ZBTB20: variants seen among roughly 807,000 people sequenced by gnomAD.
ZBTB20 encodes the protein zinc finger and BTB domain-containing protein 20.
A neutral mutation model predicts 56.9 loss-of-function variants in ZBTB20; 9 were observed. That is an observed-to-expected ratio of 0.16 (90% CI 0.10 to 0.28). The LOEUF is 0.28. ZBTB20 is among the 10% of genes least tolerant of loss of function. ZBTB20 has a pLI of 1.00. For synonymous variants in ZBTB20, 417 were observed against 420.7 expected (o/e 0.99, Z 0.11); for missense variants, 655 against 1,003.0 (o/e 0.65, Z 4.69).
At chr3:114,673,676 A>G (rs1484381273) in intron 6 of ZBTB20, among the ~76,000 whole-genome samples, 2 of 152,190 alleles carry the variant, frequency 1.3e-5, no homozygotes, top group Non-Finnish European at 2.9e-5. Context: ...TGACAGCTGC[A>G]TTGTAATTCT....
intron 8 of ZBTB20, among the ~76,000 whole-genome samples, chr3:114,385,357 G>A (rs112672721): frequency 1.3e-5 from 2 of 152,088 alleles, no homozygotes; most frequent in East Asian, 3.9e-4. Context: ...CCTATTAGCT[G>A]TATGTCCTGG....
rs561450350 is a variant in ZBTB20, at chr3:114,633,770, G to A, written c.-295+59758C>T. On this transcript the variant is annotated intron_variant, in intron 6 of 11. Transcript: ENST00000675478. ...TTTGCAATGAAGAGGAAATACAAAT[G>A]CACAATATTATTAAAATGATAGTTT... 1.6e-4 allele frequency among the ~76,000 whole-genome samples: 25 copies of A among 152,168 alleles called. No homozygotes were observed. In the South Asian group the frequency reaches 5.0e-3, roughly 30 times the overall value.
At chr3:114,916,065 C>T (rs2075732236) in intron 3 of ZBTB20, among the ~76,000 whole-genome samples, 1 of 152,052 alleles carries the variant, frequency 6.6e-6, no homozygotes, top group Admixed American at 6.6e-5. Context: ...GTATTAGGTT[C>T]ATTCAGTCTA....
At chr3:114,993,413 T>C (rs1039252988) in intron 2 of ZBTB20, among the ~76,000 whole-genome samples, 3 of 151,938 alleles carry the variant, frequency 2.0e-5, no homozygotes, top group Non-Finnish European at 4.4e-5. Context: ...AGATTTAAAT[T>C]ACATCATTTT....
At chr3:114,435,305 G>T (rs1204357437) in intron 7 of ZBTB20, among the ~76,000 whole-genome samples, 4 of 151,940 alleles carry the variant, frequency 2.6e-5, no homozygotes, top group African/African-American at 9.7e-5. Context: ...TGAACACCTG[G>T]TACACGTTTG....
intron 7 of ZBTB20, among the ~76,000 whole-genome samples, chr3:114,450,967 T>G (rs955538232): frequency 1.3e-5 from 2 of 152,104 alleles, no homozygotes; most frequent in Non-Finnish European, 2.9e-5. Flanking sequence ...TCGTTCCTGG[T>G]TGAAAATTTC....
intron 5 of ZBTB20, among the ~76,000 whole-genome samples, chr3:114,720,349 A>G (rs1363404886): frequency 1.3e-5 from 2 of 151,812 alleles, no homozygotes; most frequent in East Asian, 1.9e-4. Context: ...TTTGCATAAA[A>G]TATCTTTTGC....
chr3:114,328,337 C>T lies in ZBTB20; in HGVS notation c.*10668G>A, dbSNP rs574370519. 1.3e-5 allele frequency: 2 copies of T among 152,054 alleles called. 1 individual carries two copies. Among genetic ancestry groups the T allele is most frequent in the African/African-American group, 4.8e-5 (2 of 41,464 alleles). The allele number at this position is 152,054 out of a possible 1,614,324, so 9.4% of individuals were successfully genotyped here. A position where few individuals can be genotyped will look rare whatever the true frequency, so the allele number is the denominator to read the frequency against. On this transcript the variant is annotated 3_prime_UTR_variant, in exon 12 of 12. Transcript: ENST00000675478. Reference sequence around the variant, plus strand: ...TGAGAAGAGCTCACTAAGGCTTGAACAGTTATCAAAATTATTTTGAAATGT... The same window carrying T: ...TGAGAAGAGCTCACTAAGGCTTGAATAGTTATCAAAATTATTTTGAAATGT...
intron 5 of ZBTB20, among the ~76,000 whole-genome samples, chr3:114,738,316 T>C (rs922297136): frequency 1.3e-5 from 2 of 152,142 alleles, no homozygotes; most frequent in African/African-American, 4.8e-5. Flanking sequence ...GTTAGGCTTT[T>C]TGTGCTGCTT....
At chr3:114,983,271 T>C (rs1576484946) in intron 2 of ZBTB20, among the ~76,000 whole-genome samples, 1 of 152,048 alleles carries the variant, frequency 6.6e-6, no homozygotes, top group African/African-American at 2.4e-5. Flanking sequence ...CCTCAACATG[T>C]CCTTCACGAT....
At chr3:114,850,524 T>C (rs2074947079) in intron 4 of ZBTB20, among the ~76,000 whole-genome samples, 1 of 152,232 alleles carries the variant, frequency 6.6e-6, no homozygotes, top group Admixed American at 6.5e-5. Context: ...TTTTAGTGAC[T>C]ACTATTTACA....
chr3:115,059,814 G>T (rs1348525935), intron 2 of ZBTB20, among the ~76,000 whole-genome samples: 6 of 152,114 alleles, frequency 3.9e-5, no homozygotes, highest in Non-Finnish European at 7.4e-5. Flanking sequence ...TGCAACAGAA[G>T]AAGATATTAT....
chr3:114,816,671 T>G (rs190161321), intron 4 of ZBTB20, among the ~76,000 whole-genome samples: 3 of 152,296 alleles, frequency 2.0e-5, no homozygotes, highest in African/African-American at 2.4e-5. Flanking sequence ...CAAAGCTTAC[T>G]GCTAAAATCC....
intron 5 of ZBTB20, among the ~76,000 whole-genome samples, chr3:114,766,630 A>C (rs1021664010): frequency 3.9e-5 from 6 of 151,956 alleles, no homozygotes; most frequent in Admixed American, 1.3e-4. Flanking sequence ...AGTTTAAAAA[A>C]ACACACACAA....
intron 5 of ZBTB20, among the ~76,000 whole-genome samples, chr3:114,704,210 C>G (rs1921487): frequency 6.6e-6 from 1 of 152,082 alleles, no homozygotes; most frequent in African/African-American, 2.4e-5. Flanking sequence ...ATTTCTAACT[C>G]TTTTATTACA....
intron 7 of ZBTB20, among the ~76,000 whole-genome samples, chr3:114,468,478 T>C (rs1396911856): frequency 6.6e-6 from 1 of 152,184 alleles, no homozygotes; most frequent in Non-Finnish European, 1.5e-5. Flanking sequence ...TCTTTTTCTA[T>C]ATGTATGAAT....
At chr3:114,630,488 T>C (rs1405490751) in intron 6 of ZBTB20, among the ~76,000 whole-genome samples, 1 of 152,188 alleles carries the variant, frequency 6.6e-6, no homozygotes, top group Non-Finnish European at 1.5e-5. Flanking sequence ...TGTGTGTGTA[T>C]GGTGGGTGCT....
chr3:114,852,194 CT>C (rs1210535213), intron 4 of ZBTB20, among the ~76,000 whole-genome samples: 1 of 151,704 alleles, frequency 6.6e-6, no homozygotes, highest in South Asian at 2.1e-4. Context: ...TTTATTTCTC[CT>C]TATTTGTCTT....
chr3:114,765,460 C>T (rs2068722545), intron 5 of ZBTB20, among the ~76,000 whole-genome samples: 1 of 151,978 alleles, frequency 6.6e-6, no homozygotes, highest in African/African-American at 2.4e-5. Flanking sequence ...CAAGGAATTC[C>T]AACGATTGCC....
Sources: allele counts gnomAD v4.1 joint callset (sites outside exome capture counted in the v4.1 genomes callset), GRCh38; gene constraint gnomAD v4.1.1; transcripts MANE v1.5; gene names NCBI Gene and HGNC (gene_info 2026-07-23, HGNC 2026-07-21).